Variants in PCDH15 observed in about 807,000 individuals in gnomAD.
PCDH15 encodes the protein protocadherin related 15.
Under a neutral mutation model 178.5 loss-of-function variants are expected in PCDH15, and 129 were observed. The ratio of observed to expected loss-of-function variants is 0.72; its 90% CI spans 0.63 to 0.84. The LOEUF is 0.84. Ranked by LOEUF, PCDH15 falls within the 40% of genes least tolerant of loss-of-function variation. The probability of loss-of-function intolerance (pLI) is 0.00; values close to 1 mark genes in which losing one functional copy is unlikely to be tolerated. For synonymous variants in PCDH15, 800 were observed against 732.0 expected (o/e 1.09, Z -1.50); for missense variants, 2,230 against 2,099.9 (o/e 1.06, Z -1.21).
chr10:54,861,448 G>A (rs908008175), intron 3 of PCDH15, among the ~76,000 whole-genome samples: 2 of 152,098 alleles, frequency 1.3e-5, no homozygotes, highest in Non-Finnish European at 2.9e-5. Flanking sequence ...CAGACCAATA[G>A]TGAGTAGTAA....
chr10:54,557,772 T>C (rs1335907326), intron 2 of PCDH15, among the ~76,000 whole-genome samples: 1 of 152,098 alleles, frequency 6.6e-6, no homozygotes, highest in Non-Finnish European at 1.5e-5. Context: ...TAAGAAAATA[T>C]GGGAAATTTT....
At position 54,019,540 on chromosome 10, in the gene PCDH15, A is replaced by T. The variant is rs2135273209; in HGVS notation, c.2751+652T>A. 1.3e-5 allele frequency among the ~76,000 whole-genome samples: 2 copies of T among 152,238 alleles called. 1 individual carries two copies. The highest frequency in any genetic ancestry group is 6.8e-3 in the Middle Eastern group (2 of 294). On this transcript the variant is annotated intron_variant, in intron 20 of 37. Transcript: ENST00000644397. ...TGTACTACTATTTGAGAACTGATCA[A>T]CTTACAGTACTTCTTCTCATATCTA...
chr10:54,385,677 C>A (rs1949831317), intron 3 of PCDH15, among the ~76,000 whole-genome samples: 1 of 152,148 alleles, frequency 6.6e-6, no homozygotes, highest in East Asian at 1.9e-4. Context: ...ATTTAAAGTA[C>A]TCTCTAACTG....
intron 17 of PCDH15, among the ~76,000 whole-genome samples, chr10:54,068,332 TTA>T (rs1350003520): frequency 6.6e-6 from 1 of 152,168 alleles, no homozygotes; most frequent in Non-Finnish European, 1.5e-5. Flanking sequence ...CTTTGAAAAT[TTA>T]TGTTGCTATT....
intron 1 of PCDH15, among the ~76,000 whole-genome samples, chr10:54,779,635 C>G (rs189328857): frequency 1.3e-5 from 2 of 150,946 alleles, no homozygotes; most frequent in Admixed American, 1.3e-4. Flanking sequence ...GGCCTGCCTT[C>G]CCTAGCCAAA....
chr10:55,079,533 AT>A (rs1326390409), intron 2 of PCDH15, among the ~76,000 whole-genome samples: 2 of 152,104 alleles, frequency 1.3e-5, no homozygotes, highest in Admixed American at 6.5e-5. Flanking sequence ...AGTGTAGCTT[AT>A]TGATACCACC....
At chr10:54,495,888 T>C (rs1350731281) in intron 3 of PCDH15, among the ~76,000 whole-genome samples, 1 of 152,188 alleles carries the variant, frequency 6.6e-6, no homozygotes, top group African/African-American at 2.4e-5. Context: ...CTGAATGTGC[T>C]CTCTTCTTAA....
At chr10:54,661,733 G>A (rs2094495989) in intron 2 of PCDH15, among the ~76,000 whole-genome samples, 1 of 151,786 alleles carries the variant, frequency 6.6e-6, no homozygotes, top group Non-Finnish European at 1.5e-5. Flanking sequence ...ACACAATAGG[G>A]AAACTAGAAA....
chr10:55,101,078 G>T (rs946981116), intron 2 of PCDH15, among the ~76,000 whole-genome samples: 1 of 151,726 alleles, frequency 6.6e-6, no homozygotes, highest in Admixed American at 6.6e-5. Flanking sequence ...TCATATAATG[G>T]GATTAAAATA....
chr10:54,406,828 T>C (rs1375430774), intron 3 of PCDH15, among the ~76,000 whole-genome samples: 1 of 152,172 alleles, frequency 6.6e-6, no homozygotes, highest in Non-Finnish European at 1.5e-5. Flanking sequence ...CAGGGGATTA[T>C]CTTCATAACC....
chr10:55,519,457 T>C (rs1159996585), intron 2 of PCDH15, among the ~76,000 whole-genome samples: 2 of 152,124 alleles, frequency 1.3e-5, no homozygotes, highest in South Asian at 4.1e-4. Flanking sequence ...AAAGGCAAGA[T>C]ACACGACCCC....
At chr10:54,131,885 A>C (rs1315514066) in intron 15 of PCDH15, among the ~76,000 whole-genome samples, 1 of 152,168 alleles carries the variant, frequency 6.6e-6, no homozygotes, top group East Asian at 1.9e-4. Context: ...TGAAATCTTC[A>C]CTTTTATATC....
chr10:54,649,657 G>A (rs529697516), intron 2 of PCDH15, among the ~76,000 whole-genome samples: 8 of 152,070 alleles, frequency 5.3e-5, no homozygotes, highest in Admixed American at 2.0e-4. Flanking sequence ...GTGTGTGTAT[G>A]TGTGTGTGTG....
chr10:53,807,155 G>GAGTC (rs1315214319), intron 37 of PCDH15, 25 bp from the exon 38 acceptor site: 1 of 1,531,726 alleles, frequency 6.5e-7, no homozygotes, highest in Non-Finnish European at 8.8e-7. Context: ...AAAAATATGT[G>GAGTC]AGTCACTATC....
At chr10:55,056,613 A>T (rs757801027) in intron 2 of PCDH15, among the ~76,000 whole-genome samples, 6 of 63,276 alleles carry the variant, frequency 9.5e-5, no homozygotes, top group East Asian at 5.4e-4. Flanking sequence ...ATTTTGTTTT[A>T]TTATTATTAT....
intron 3 of PCDH15, among the ~76,000 whole-genome samples, chr10:54,810,518 A>G (rs1256535699): frequency 6.6e-6 from 1 of 152,118 alleles, no homozygotes; most frequent in East Asian, 1.9e-4. Context: ...GGAAAAAAAC[A>G]CAGATTTCAT....
intron 1 of PCDH15, among the ~76,000 whole-genome samples, chr10:55,188,124 A>G (rs1839846506): frequency 6.6e-6 from 1 of 151,980 alleles, no homozygotes; most frequent in Non-Finnish European, 1.5e-5. Context: ...AGATAAGCAA[A>G]CAGTTTAAAA....
At chr10:55,602,916 G>A (rs1165414189) in intron 2 of PCDH15, among the ~76,000 whole-genome samples, 1 of 152,152 alleles carries the variant, frequency 6.6e-6, no homozygotes. Flanking sequence ...GAGAGAAGAA[G>A]GCTTCAGACG....
chr10:54,527,750 GAATT>G, intron 3 of PCDH15, 58 bp downstream of exon 3: 1 of 1,394,372 alleles, frequency 7.2e-7, no homozygotes, highest in Non-Finnish European at 1.0e-6. Flanking sequence ...AGTAGATTGA[GAATT>G]AAAATCTGAA....
Sources: gnomAD v4.1 joint callset for allele counts (sites outside exome capture counted in the v4.1 genomes callset) on GRCh38, gnomAD v4.1.1 for gene constraint, MANE v1.5 for transcripts, NCBI Gene and HGNC (gene_info 2026-07-23, HGNC 2026-07-21) for gene names.